The following GPATCH8 variants were observed in gnomAD, a reference collection of about 807,000 sequenced individuals.
GPATCH8 encodes G-patch domain containing 8, also known as G patch domain-containing protein 8.
Under a neutral mutation model 118.3 loss-of-function variants are expected in GPATCH8, and 18 were observed. The observed-to-expected ratio is 0.15, with a 90% CI of 0.11 to 0.23. The LOEUF (loss-of-function observed/expected upper bound fraction) is 0.23, where lower values mean the gene tolerates loss of function less well. GPATCH8 is among the 10% of genes least tolerant of loss of function. GPATCH8 has a pLI of 1.00. For synonymous variants in GPATCH8, 659 were observed against 684.7 expected (o/e 0.96, Z 0.59); for missense variants, 1,631 against 1,873.8 (o/e 0.87, Z 2.39).
chr17:44,503,034 G>T (rs1970212232), intron 1 of GPATCH8, among the ~76,000 whole-genome samples: 1 of 152,210 alleles, frequency 6.6e-6, no homozygotes, highest in Non-Finnish European at 1.5e-5. Context: ...GGGCAGACCT[G>T]GAGGGCACAG....
At chr17:44,448,928 T>G (rs1169592878) in intron 3 of GPATCH8, among the ~76,000 whole-genome samples, 1 of 152,252 alleles carries the variant, frequency 6.6e-6, no homozygotes. Context: ...AATGTTTTTC[T>G]AGCCCTGATC....
rs2048773468 is a variant in GPATCH8 at position 44,396,204 on chromosome 17, TG to T, written c.*1363del. ...TAGGAAGGCAAATGGACTGACTGCC[TG>T]GAACAAGGTACCCAGGGAAACCCAG... On this transcript the variant is annotated 3_prime_UTR_variant, in exon 8 of 8. Transcript: ENST00000591680. The T allele has an allele frequency of 2.2e-6, 1 of 454,430 alleles. No homozygotes were observed. Among genetic ancestry groups the T allele is most frequent in the Non-Finnish European group, 4.4e-6 (1 of 226,780 alleles). The allele number at this position is 454,430 out of a possible 1,614,324, so 28.1% of individuals were successfully genotyped here.
intron 1 of GPATCH8, among the ~76,000 whole-genome samples, chr17:44,493,350 C>T (rs1228410464): frequency 6.6e-6 from 1 of 152,146 alleles, no homozygotes; most frequent in African/African-American, 2.4e-5. Flanking sequence ...CACGAGCCCC[C>T]ACGCCTGACA....
At chr17:44,425,441 T>C (rs138719704) in intron 5 of GPATCH8, among the ~76,000 whole-genome samples, 17 of 152,346 alleles carry the variant, frequency 1.1e-4, no homozygotes, top group African/African-American at 4.1e-4. Flanking sequence ...GACAGACTTA[T>C]TAAAACTGAA....
At chr17:44,402,541 C>A (rs1213317339) in intron 7 of GPATCH8, among the ~76,000 whole-genome samples, 2 of 151,922 alleles carry the variant, frequency 1.3e-5, no homozygotes, top group African/African-American at 4.8e-5. Flanking sequence ...CTCAGTGATT[C>A]AGAAGGCTGA....
chr17:44,410,910 C>T (rs2049404626), intron 6 of GPATCH8, among the ~76,000 whole-genome samples: 1 of 152,144 alleles, frequency 6.6e-6, no homozygotes. Flanking sequence ...AAAGACCACT[C>T]TAAATGGAAA....
At chr17:44,451,009 G>A (rs1020970313) in intron 3 of GPATCH8, among the ~76,000 whole-genome samples, 5 of 152,102 alleles carry the variant, frequency 3.3e-5, no homozygotes, top group African/African-American at 1.2e-4. Flanking sequence ...TCATTATACT[G>A]TATTAAATTT....
chr17:44,450,884 T>C (rs1383316236), intron 3 of GPATCH8, among the ~76,000 whole-genome samples: 1 of 152,210 alleles, frequency 6.6e-6, no homozygotes, highest in Non-Finnish European at 1.5e-5. Context: ...TTCTTTATTC[T>C]CACAATCTGA....
intron 3 of GPATCH8, among the ~76,000 whole-genome samples, chr17:44,447,446 C>T (rs192555543): frequency 5.1e-4 from 77 of 152,094 alleles, no homozygotes; most frequent in Middle Eastern, 3.4e-3. Flanking sequence ...TGTGAGCCAC[C>T]GCACCCAGCC....
intron 1 of GPATCH8, among the ~76,000 whole-genome samples, chr17:44,476,108 G>A (rs1967754421): frequency 6.6e-6 from 1 of 152,114 alleles, no homozygotes; most frequent in Non-Finnish European, 1.5e-5. Flanking sequence ...TGTTGAAATT[G>A]TAAACTAAAA....
chr17:44,464,571 C>CA, intron 2 of GPATCH8, 27 bp from the exon 3 acceptor site: 3 of 1,260,288 alleles, frequency 2.4e-6, no homozygotes, highest in Non-Finnish European at 3.5e-6. Flanking sequence ...AGAGACAAAC[C>CA]AAAAATATTC....
At chr17:44,483,216 T>TATATATATAC (rs1438103360) in intron 1 of GPATCH8, among the ~76,000 whole-genome samples, 1 of 87,606 alleles carries the variant, frequency 1.1e-5, no homozygotes, top group East Asian at 4.5e-4. Flanking sequence ...TATATATATA[T>TATATATATAC]ACAGCCTACC....
intron 1 of GPATCH8, among the ~76,000 whole-genome samples, chr17:44,485,999 A>G (rs1968747566): frequency 6.6e-6 from 1 of 152,092 alleles, no homozygotes; most frequent in Non-Finnish European, 1.5e-5. Context: ...GGCTCAACTG[A>G]TTCTCCTACC....
At chr17:44,459,169 G>T (rs182822713) in intron 3 of GPATCH8, among the ~76,000 whole-genome samples, 5 of 152,244 alleles carry the variant, frequency 3.3e-5, no homozygotes. Context: ...TAGGGATTTA[G>T]GGGCTCTAAA....
Position 44,464,452 on chromosome 17 carries a change from TG to T in GPATCH8, c.193+19del. The stretch of plus-strand genomic sequence containing the variant: ...AGAAATGGTTTTCTTCCTTTTTCTC[TG>T]GTAAATGTAAACACTTACCCTGAAG... On this transcript the variant is annotated intron_variant, in intron 3 of 7. Coordinates refer to ENST00000591680, the MANE Select transcript of GPATCH8 (RefSeq NM_001002909.4). 1 of 1,377,406 alleles carries T rather than the reference TG, an allele frequency of 7.3e-7. No homozygotes were observed. Among genetic ancestry groups the T allele is most frequent in the Non-Finnish European group, 1.0e-6 (1 of 963,636 alleles). 85.3% of individuals were successfully genotyped at this position (1,377,406 alleles called of 1,614,324 possible).
chr17:44,471,975 A>G (rs1568037930), intron 2 of GPATCH8, among the ~76,000 whole-genome samples: 1 of 150,692 alleles, frequency 6.6e-6, no homozygotes, highest in East Asian at 1.9e-4. Context: ...GTGTGTCAAT[A>G]CTTCTTTTTT....
At chr17:44,447,435 G>A (rs2050928921) in intron 3 of GPATCH8, among the ~76,000 whole-genome samples, 1 of 152,022 alleles carries the variant, frequency 6.6e-6, no homozygotes, top group Non-Finnish European at 1.5e-5. Context: ...GGGATTACAG[G>A]TGTGAGCCAC....
intron 3 of GPATCH8, among the ~76,000 whole-genome samples, chr17:44,444,709 G>C (rs2050814072): frequency 6.6e-6 from 1 of 152,012 alleles, no homozygotes; most frequent in Non-Finnish European, 1.5e-5. Flanking sequence ...GGAGGCAGAA[G>C]TTGCAGTGAG....
In GPATCH8 at chr17:44,399,669, C is replaced by T. The variant is rs765357053; in HGVS notation, c.2408G>A (p.Arg803Gln). ...GCTCCGATGGCTAGACCGGCTGCTC[C>T]GTTTGGTGCCTGCTCTTCGCTGGCA... ...SSCQRRAGTKRSSRSSHRSQP... is the reference protein window; with the variant it reads ...SSCQRRAGTKQSSRSSHRSQP... The change falls in exon 8 of 8, where the codon CGG (arginine) becomes CAG (glutamine). Residue 803 changes from arginine (R) to glutamine (Q), a missense_variant. Physicochemically the swap from Arg to Gln is conservative, Grantham distance 43. Around this residue, in one of 8 missense-constraint regions of GPATCH8, gnomAD observed 922 missense variants for 879.7 expected, o/e 1.05. Transcript: ENST00000591680. The T allele has an allele frequency of 1.1e-5, 17 of 1,614,024 alleles. No homozygotes were observed. The South Asian group carries it at 1.3e-4, about 13-fold the overall frequency.
Sources: allele counts gnomAD v4.1 joint callset (sites outside exome capture counted in the v4.1 genomes callset), GRCh38; gene constraint gnomAD v4.1.1; regional missense constraint gnomAD v4.1.1; transcripts MANE v1.5; gene names NCBI Gene and HGNC (gene_info 2026-07-23, HGNC 2026-07-21).